The following TTC7B variants were observed in gnomAD, a reference collection of about 807,000 sequenced individuals.
TTC7B encodes tetratricopeptide repeat protein 7B.
In TTC7B, 28 loss-of-function variants were observed where a neutral mutation model predicts 106.8. The observed-to-expected ratio is 0.26, with a 90% CI of 0.19 to 0.36. The LOEUF (loss-of-function observed/expected upper bound fraction) is 0.36, where lower values mean the gene tolerates loss of function less well. Among genes scored for constraint, TTC7B ranks in the 10% least tolerant of loss-of-function variants. The pLI, the probability that TTC7B is intolerant of heterozygous loss-of-function variation, is 1.00. For missense variants in TTC7B, 862 were observed against 1,076.4 expected, an observed-to-expected ratio of 0.80 and a Z score of 2.79; for synonymous variants, 405 against 430.6, an observed-to-expected ratio of 0.94 and a Z score of 0.74.
At chr14:90,550,751 C>T (rs1595150341) in intron 19 of TTC7B, among the ~76,000 whole-genome samples, 1 of 152,138 alleles carries the variant, frequency 6.6e-6, no homozygotes, top group East Asian at 1.9e-4. Context: ...TTTGTCTTTG[C>T]ATGTACGGCA....
chr14:90,544,042 G>A (rs1265499586), intron 19 of TTC7B, among the ~76,000 whole-genome samples: 2 of 152,240 alleles, frequency 1.3e-5, no homozygotes, highest in Non-Finnish European at 2.9e-5. Context: ...GACAGCCAAG[G>A]AGACCCATGG....
At chr14:90,617,561 A>AC (rs1174150852) in intron 16 of TTC7B, among the ~76,000 whole-genome samples, 1 of 151,660 alleles carries the variant, frequency 6.6e-6, no homozygotes, top group African/African-American at 2.4e-5. Context: ...TGCTGCAGGA[A>AC]CCCCATCTGG....
At chr14:90,558,800 CAGA>C (rs1890442962) in intron 19 of TTC7B, among the ~76,000 whole-genome samples, 1 of 152,184 alleles carries the variant, frequency 6.6e-6, no homozygotes, top group Non-Finnish European at 1.5e-5. Flanking sequence ...GGCGGCTTGC[CAGA>C]AATGGGGACC....
In TTC7B at chr14:90,808,501, A is replaced by G. The variant is rs545125931; in HGVS notation, c.121+7674T>C. Among the ~76,000 whole-genome samples the G allele has an allele frequency of 4.6e-5, 7 of 152,278 alleles. No homozygotes were observed. The highest frequency in any genetic ancestry group is 1.7e-4 in the African/African-American group (7 of 41,572). On this transcript the variant is annotated intron_variant, in intron 1 of 19. Coordinates refer to ENST00000328459, the MANE Select transcript of TTC7B (RefSeq NM_001010854.2). This position sits in a 1 kb window ranked among gnomAD's most constrained non-coding sequence, Gnocchi z 4.2. Reference sequence around the variant, plus strand: ...AAGGACCAGACCAGATCTGCTCTACATGGTTCTGGTGCTGCCACCACTAGC... The same window carrying G: ...AAGGACCAGACCAGATCTGCTCTACGTGGTTCTGGTGCTGCCACCACTAGC...
chr14:90,739,746 C>T (rs753049403), intron 4 of TTC7B, among the ~76,000 whole-genome samples: 51 of 152,236 alleles, frequency 3.4e-4, no homozygotes, highest in Non-Finnish European at 6.0e-4. Flanking sequence ...TCAAGTTCCA[C>T]CCTGGCTCTA....
At chr14:90,603,404 C>A in intron 17 of TTC7B, 1 of 705,752 alleles carries the variant, frequency 1.4e-6, no homozygotes, top group Non-Finnish European at 2.1e-6. Context: ...AATAACCTTC[C>A]AACTGTAAGT....
At chr14:90,722,910 G>A (rs1888952221) in intron 5 of TTC7B, among the ~76,000 whole-genome samples, 1 of 152,084 alleles carries the variant, frequency 6.6e-6, no homozygotes, top group Admixed American at 6.5e-5. Context: ...ACTCTTGCAG[G>A]TCTTCAGGCC....
rs768189460 is a variant in TTC7B at position 90,780,747 on chromosome 14, C to T, written c.436G>A (p.Ala146Thr). ...AAGGCACGGGCCTCACCTTTGGTAG[C>T]GTAGGCTTCTGCGATCACCCGCAGC... ...YRLRVIAEAY[A>T]TKGLCLEKLP... Residue 146 changes from alanine to threonine, a missense_variant, in exon 3 of 20, where the codon GCT (alanine) becomes ACT (threonine). Transcript: ENST00000328459. 9.9e-6 allele frequency: 16 copies of T among 1,613,964 alleles called. No homozygotes were observed. In the East Asian group the frequency reaches 1.1e-4, roughly 11 times the overall value.
chr14:90,801,912 T>C (rs1472921268), intron 1 of TTC7B, among the ~76,000 whole-genome samples: 2 of 151,806 alleles, frequency 1.3e-5, no homozygotes, highest in African/African-American at 4.8e-5. Flanking sequence ...AGTACAAAAA[T>C]TAGCCAGGTA....
In TTC7B at chr14:90,663,521, A is replaced by T. The variant is rs1247664733; in HGVS notation, c.1153-5134T>A. ...GACTGAGACCTTTCCAGCTAGTAGA[A>T]GTGTCAATCAACTTTACTGATCCCA... On this transcript the variant is annotated intron_variant, in intron 9 of 19. Transcript: ENST00000328459. The surrounding 1 kb of genome is among the most constrained non-coding windows in gnomAD (Gnocchi z 4.5). 6.6e-6 allele frequency among the ~76,000 whole-genome samples: 1 copy of T among 152,122 alleles called. No individual in the cohort carries two copies. The highest frequency in any genetic ancestry group is 2.4e-5 in the African/African-American group (1 of 41,444).
rs2139743368 is a variant in TTC7B, at chr14:90,525,241, C to T, written c.*16127G>A. On this transcript the variant is annotated 3_prime_UTR_variant, in exon 20 of 20. Coordinates refer to ENST00000328459, the MANE Select transcript of TTC7B (RefSeq NM_001010854.2). ...GACTGGCTCCTTCAACTCGTCACCA[C>T]TACCTGGAGATTCACCCATGTTGCT... 1 of 152,394 alleles carries T rather than the reference C, an allele frequency of 6.6e-6. No homozygotes were observed. The highest frequency in any genetic ancestry group is 1.5e-5 in the Non-Finnish European group (1 of 68,068). The allele number at this position is 152,394 out of a possible 1,614,324, so 9.4% of individuals were successfully genotyped here.
In TTC7B at chr14:90,537,932, T is replaced by C. The variant is rs1889457391; in HGVS notation, c.*3436A>G. 6.6e-6 allele frequency: 1 copy of C among 152,224 alleles called. No homozygotes were observed. The highest frequency in any genetic ancestry group is 2.1e-4 in the South Asian group (1 of 4,834). The allele number at this position is 152,224 out of a possible 1,614,324, so 9.4% of individuals were successfully genotyped here. A position where few individuals can be genotyped will look rare whatever the true frequency, so the allele number is the denominator to read the frequency against. On this transcript the variant is annotated 3_prime_UTR_variant, in exon 20 of 20. Transcript: ENST00000328459. ...CATCTGGCATGTTGTGAGCATTCCATAGATATTTGTTGGATGAATGAATGA... is the reference window on the plus strand; with the variant it reads ...CATCTGGCATGTTGTGAGCATTCCACAGATATTTGTTGGATGAATGAATGA...
At chr14:90,694,120 A>T (rs1352645077) in intron 6 of TTC7B, among the ~76,000 whole-genome samples, 2 of 152,214 alleles carry the variant, frequency 1.3e-5, no homozygotes, top group African/African-American at 4.8e-5. Flanking sequence ...ACTACAAATT[A>T]GTCAGGTGTG....
chr14:90,680,215 A>C (rs1206800573), intron 8 of TTC7B, among the ~76,000 whole-genome samples: 1 of 152,256 alleles, frequency 6.6e-6, no homozygotes, highest in Non-Finnish European at 1.5e-5. Flanking sequence ...GGATGAATGA[A>C]TGAACTAAGA....
chr14:90,545,768 T>C (rs1211193900), intron 19 of TTC7B, among the ~76,000 whole-genome samples: 1 of 152,206 alleles, frequency 6.6e-6, no homozygotes, highest in African/African-American at 2.4e-5. Context: ...CATGTCTAAC[T>C]GCCCTCAAAA....
At chr14:90,579,319 C>T (rs1285598403) in intron 18 of TTC7B, among the ~76,000 whole-genome samples, 1 of 152,228 alleles carries the variant, frequency 6.6e-6, no homozygotes, top group Non-Finnish European at 1.5e-5. Flanking sequence ...TCATGGACCC[C>T]TTCTCCCACC....
rs953706525 is a variant in TTC7B at position 90,600,822 on chromosome 14, G to A, written c.1967-7196C>T. ...AGCGAGCCGCTGCCGGTGGCTCTGCGCTAGAGACAGTACCTTCTGGAGGAC... is the reference window on the plus strand; with the variant it reads ...AGCGAGCCGCTGCCGGTGGCTCTGCACTAGAGACAGTACCTTCTGGAGGAC... On this transcript the variant is annotated intron_variant, in intron 17 of 19. Coordinates refer to ENST00000328459, the MANE Select transcript of TTC7B (RefSeq NM_001010854.2). The surrounding 1 kb of genome is among the most constrained non-coding windows in gnomAD (Gnocchi z 4.3). 2.6e-5 allele frequency among the ~76,000 whole-genome samples: 4 copies of A among 152,196 alleles called. No individual in the cohort carries two copies. Among genetic ancestry groups the A allele is most frequent in the Non-Finnish European group, 4.4e-5 (3 of 68,024 alleles).
At chr14:90,772,393 T>C (rs1431796276) in intron 3 of TTC7B, among the ~76,000 whole-genome samples, 2 of 152,234 alleles carry the variant, frequency 1.3e-5, no homozygotes, top group Non-Finnish European at 2.9e-5. Context: ...CTATGAAATG[T>C]TATACAGCTG....
rs1426737064 is a variant in TTC7B, at chr14:90,663,363, A to G, written c.1153-4976T>C. Among the ~76,000 whole-genome samples the G allele has an allele frequency of 1.3e-5, 2 of 152,198 alleles. No individual in the cohort carries two copies. Among genetic ancestry groups the G allele is most frequent in the Non-Finnish European group, 2.9e-5 (2 of 68,030 alleles). On this transcript the variant is annotated intron_variant, in intron 9 of 19. Coordinates refer to ENST00000328459, the MANE Select transcript of TTC7B (RefSeq NM_001010854.2). This position sits in a 1 kb window ranked among gnomAD's most constrained non-coding sequence, Gnocchi z 4.5. ...CACACTTCATTTATCAGGCCCACTC[A>G]TGCTGCAGAAAGCAAAGGACAACTA...
Sources: allele counts gnomAD v4.1 joint callset (sites outside exome capture counted in the v4.1 genomes callset), GRCh38; gene constraint gnomAD v4.1.1; non-coding constraint Gnocchi (gnomAD v3.1); transcripts MANE v1.5; gene names NCBI Gene and HGNC (gene_info 2026-07-23, HGNC 2026-07-21).